Variants in SLC35A3 observed in about 807,000 individuals in gnomAD.
SLC35A3 encodes solute carrier family 35 member A3.
A neutral mutation model predicts 39.0 loss-of-function variants in SLC35A3; 26 were observed. That is an observed-to-expected ratio of 0.67 (90% CI 0.49 to 0.92). The LOEUF (loss-of-function observed/expected upper bound fraction) is 0.92. Among genes scored for constraint, SLC35A3 ranks in the 40% least tolerant of loss-of-function variants. SLC35A3 has a pLI of 0.00. For synonymous variants in SLC35A3, 135 were observed against 133.1 expected (o/e 1.01, Z -0.10); for missense variants, 299 against 371.6 (o/e 0.80, Z 1.61).
In SLC35A3 at chr1:100,011,347, A is replaced by G; in HGVS notation, c.466-18A>G. ...GTTATGGAAATTAAACTTCAATTTT[A>G]TTTTTCTTCTTATTTAGTGGCCCTC... is the stretch of plus-strand genomic sequence containing the variant. On this transcript the variant is annotated intron_variant, in intron 4 of 7. Transcript: ENST00000533028. The G allele has an allele frequency of 3.7e-6, 5 of 1,368,608 alleles. No individual in the cohort carries two copies. The South Asian group carries it at 6.5e-5, about 18-fold the overall frequency. 84.8% of individuals were successfully genotyped at this position (1,368,608 alleles called of 1,614,324 possible).
intron 5 of SLC35A3, among the ~76,000 whole-genome samples, chr1:100,012,159 C>G (rs1659706271): frequency 6.6e-6 from 1 of 152,044 alleles, no homozygotes. Flanking sequence ...TGGCGCGCAC[C>G]TGTAATCCCA....
chr1:99,976,574 G>A (rs919504531), intron 1 of SLC35A3, among the ~76,000 whole-genome samples: 2 of 152,178 alleles, frequency 1.3e-5, no homozygotes, highest in Non-Finnish European at 2.9e-5. Flanking sequence ...ATGCCCATCA[G>A]TGGTGAACTG....
chr1:99,990,827 G>A (rs140892029), intron 1 of SLC35A3, among the ~76,000 whole-genome samples: 1 of 152,218 alleles, frequency 6.6e-6, no homozygotes, highest in African/African-American at 2.4e-5. Flanking sequence ...GGTCATGAAA[G>A]TGCAGCCCTC....
At chr1:100,018,539 C>T (rs967762476) in intron 7 of SLC35A3, among the ~76,000 whole-genome samples, 2 of 151,996 alleles carry the variant, frequency 1.3e-5, no homozygotes, top group Non-Finnish European at 2.9e-5. Context: ...TTTATATGTT[C>T]ATATTTTTGA....
At chr1:99,982,296 C>T (rs186838789) in intron 1 of SLC35A3, among the ~76,000 whole-genome samples, 148 of 152,112 alleles carry the variant, frequency 9.7e-4, no homozygotes, top group South Asian at 3.1e-3. Context: ...CCACTGCGTC[C>T]GGCCTGTATT....
At chr1:100,017,477 C>T (rs941547596) in intron 6 of SLC35A3, among the ~76,000 whole-genome samples, 1 of 152,120 alleles carries the variant, frequency 6.6e-6, no homozygotes, top group Admixed American at 6.5e-5. Context: ...CTGGTAGTTA[C>T]TTTAATTAAA....
At chr1:100,016,260 T>G (rs1016210661) in intron 6 of SLC35A3, among the ~76,000 whole-genome samples, 1 of 151,872 alleles carries the variant, frequency 6.6e-6, no homozygotes, top group South Asian at 2.1e-4. Flanking sequence ...AGACGGGGGT[T>G]TCACCATGTT....
chr1:99,972,876 A>G (rs1294118134), intron 1 of SLC35A3, among the ~76,000 whole-genome samples: 2 of 152,178 alleles, frequency 1.3e-5, no homozygotes, highest in African/African-American at 4.8e-5. Context: ...TAGGATAGTT[A>G]TTATCACCGC....
rs566213289 is a variant in SLC35A3 at position 99,992,157 on chromosome 1, G to A, written c.-18-1380G>A. Among the ~76,000 whole-genome samples the A allele has an allele frequency of 2.0e-5, 3 of 152,180 alleles. No individual in the cohort carries two copies. The South Asian group carries it at 6.2e-4, about 32-fold the overall frequency. On this transcript the variant is annotated intron_variant, in intron 1 of 7. Transcript: ENST00000533028. ...TGTTATTTTACTAATTACTGAGAAAGGTAGGGTAAAAATCTTTAATTATGA... is the reference window on the plus strand; with the variant it reads ...TGTTATTTTACTAATTACTGAGAAAAGTAGGGTAAAAATCTTTAATTATGA...
At chr1:99,998,783 T>C (rs1658568165) in intron 2 of SLC35A3, among the ~76,000 whole-genome samples, 1 of 152,224 alleles carries the variant, frequency 6.6e-6, no homozygotes, top group Admixed American at 6.5e-5. Flanking sequence ...CTAGTGTTAG[T>C]TGGGTTTTCT....
At chr1:100,011,266 G>A in intron 4 of SLC35A3, 99 bp from the exon 5 acceptor site, 1 of 487,306 alleles carries the variant, frequency 2.1e-6, no homozygotes, top group Non-Finnish European at 3.6e-6. Flanking sequence ...AAATGATATT[G>A]GTTGCATTTT....
chr1:100,013,629 A>G (rs1472641306), intron 5 of SLC35A3, among the ~76,000 whole-genome samples: 2 of 151,622 alleles, frequency 1.3e-5, no homozygotes, highest in East Asian at 1.9e-4. Flanking sequence ...ATATACATAT[A>G]CATATATATA....
rs1164189300 is a variant in SLC35A3, at chr1:100,029,389, TACA to T, written c.*6915_*6917del. 2 of 152,018 alleles carry T rather than the reference TACA, an allele frequency of 1.3e-5. No homozygotes were observed. The highest frequency in any genetic ancestry group is 2.9e-5 in the Non-Finnish European group (2 of 68,042). 9.4% of individuals were successfully genotyped at this position (152,018 alleles called of 1,614,324 possible). ...CTTCCTTCTGAATTGATGAGGATGA[TACA>T]AGCAACGACAATTCTTCTTTTCAGA... On this transcript the variant is annotated 3_prime_UTR_variant, in exon 8 of 8. Transcript: ENST00000533028.
chr1:100,026,727 T>C lies in SLC35A3; in HGVS notation c.*4251T>C, dbSNP rs1167146261. ...TGTAATTACAAAATAATTTAAAAAC[T>C]TTTTAAAATAATTTGGATCCTGACT... On this transcript the variant is annotated 3_prime_UTR_variant, in exon 8 of 8. Coordinates refer to ENST00000533028, the MANE Select transcript of SLC35A3 (RefSeq NM_012243.3). 2 of 152,584 alleles carry C rather than the reference T, an allele frequency of 1.3e-5. No individual in the cohort carries two copies. The highest frequency in any genetic ancestry group is 2.9e-5 in the Non-Finnish European group (2 of 68,298). 9.5% of individuals were successfully genotyped at this position (152,584 alleles called of 1,614,324 possible). A position where few individuals can be genotyped will look rare whatever the true frequency, so the allele number is the denominator to read the frequency against.
Position 100,022,376 on chromosome 1 carries a change from T to A in SLC35A3, c.888-10T>A, listed in dbSNP as rs750539187. 2.8e-6 allele frequency: 4 copies of A among 1,450,806 alleles called. No individual in the cohort carries two copies. Among genetic ancestry groups the A allele is most frequent in the Non-Finnish European group, 3.9e-6 (4 of 1,037,412 alleles). The allele number at this position is 1,450,806 out of a possible 1,614,324, so 89.9% of individuals were successfully genotyped here. A position where few individuals can be genotyped will look rare whatever the true frequency, so the allele number is the denominator to read the frequency against. Reference sequence around the variant, plus strand: ...TTTTCTCTTTTTTATTTTGTCTTCATCTTATTCAGTGTCTTTTTCCTTGGA... The same window carrying A: ...TTTTCTCTTTTTTATTTTGTCTTCAACTTATTCAGTGTCTTTTTCCTTGGA... On this transcript the variant is annotated splice_polypyrimidine_tract_variant and intron_variant, in intron 7 of 7. Transcript: ENST00000533028.
At chr1:99,997,410 T>TATATATATATATATATATA (rs1658469252) in intron 2 of SLC35A3, among the ~76,000 whole-genome samples, 3 of 92,102 alleles carry the variant, frequency 3.3e-5, no homozygotes, top group East Asian at 3.1e-4. Context: ...ATATATAGTT[T>TATATATATATATATATATA]TATATATATA....
intron 3 of SLC35A3, among the ~76,000 whole-genome samples, chr1:100,006,447 A>C (rs895902749): frequency 1.3e-5 from 2 of 152,082 alleles, no homozygotes; most frequent in Non-Finnish European, 2.9e-5. Context: ...TTCCCCAAGC[A>C]GTGTACATGA....
chr1:100,016,430 G>C (rs1221579180), intron 6 of SLC35A3, among the ~76,000 whole-genome samples: 3 of 140,684 alleles, frequency 2.1e-5, no homozygotes, highest in African/African-American at 8.1e-5. Flanking sequence ...CTGGAGTGCA[G>C]TGGCGAGATC....
rs968153772 is a variant in SLC35A3, at chr1:100,034,097, T to C, written c.*11621T>C. On this transcript the variant is annotated 3_prime_UTR_variant, in exon 8 of 8. Coordinates refer to ENST00000533028, the MANE Select transcript of SLC35A3 (RefSeq NM_012243.3). ...TTCACTGTTGGGTTGCTTGATGTTATCATCAAGAAGTGTGGCACCACTTGA... is the reference window on the plus strand; with the variant it reads ...TTCACTGTTGGGTTGCTTGATGTTACCATCAAGAAGTGTGGCACCACTTGA... The C allele has an allele frequency of 2.6e-5, 4 of 152,250 alleles. No individual in the cohort carries two copies. The highest frequency in any genetic ancestry group is 9.6e-5 in the African/African-American group (4 of 41,470). The allele number at this position is 152,250 out of a possible 1,614,324, so 9.4% of individuals were successfully genotyped here.
Sources: gnomAD v4.1 joint callset for allele counts (sites outside exome capture counted in the v4.1 genomes callset) on GRCh38, gnomAD v4.1.1 for gene constraint, MANE v1.5 for transcripts, NCBI Gene and HGNC (gene_info 2026-07-23, HGNC 2026-07-21) for gene names.